CDH18: variants seen among roughly 807,000 people sequenced by gnomAD.
CDH18 encodes the protein cadherin-18.
Under a neutral mutation model 67.9 loss-of-function variants are expected in CDH18, and 31 were observed. The observed-to-expected ratio is 0.46, with a 90% CI of 0.34 to 0.62. The LOEUF is 0.62. Among genes scored for constraint, CDH18 ranks in the 20% least tolerant of loss-of-function variants. CDH18 has a pLI of 0.01. For synonymous variants in CDH18, 362 were observed against 347.2 expected (o/e 1.04, Z -0.48); for missense variants, 890 against 975.5 (o/e 0.91, Z 1.17).
intron 3 of CDH18, among the ~76,000 whole-genome samples, chr5:19,802,484 T>A (rs1460767436): frequency 6.6e-6 from 1 of 152,160 alleles, no homozygotes; most frequent in Non-Finnish European, 1.5e-5. Flanking sequence ...TTATATTTAA[T>A]ATATCTTGAT....
chr5:19,886,894 C>T (rs1319233813), intron 2 of CDH18, among the ~76,000 whole-genome samples: 4 of 152,054 alleles, frequency 2.6e-5, no homozygotes, highest in Non-Finnish European at 4.4e-5. Flanking sequence ...TTGTGTGTGT[C>T]GGATGTATCC....
intron 1 of CDH18, among the ~76,000 whole-genome samples, chr5:20,560,511 A>C (rs375225898): frequency 8.1e-4 from 119 of 146,308 alleles, no homozygotes; most frequent in African/African-American, 2.2e-3. Context: ...ACACACACAC[A>C]CCCCTACATT....
chr5:19,709,696 AAAAAAAAGAAAAGAAAAGAAAAG>A (rs1335271463), intron 5 of CDH18, among the ~76,000 whole-genome samples: 50 of 151,674 alleles, frequency 3.3e-4, no homozygotes, highest in African/African-American at 2.7e-4. Context: ...AAAGAAAAGG[AAAAAAAAGAAAAGAAAAGAAAAG>A]AAAAAAAGAA....
intron 2 of CDH18, among the ~76,000 whole-genome samples, chr5:19,972,378 G>A (rs1270245324): frequency 6.6e-6 from 1 of 151,958 alleles, no homozygotes; most frequent in Non-Finnish European, 1.5e-5. Flanking sequence ...AATTCAGAAA[G>A]CTTTTCAATT....
chr5:19,830,062 T>C (rs1025414410), intron 3 of CDH18, among the ~76,000 whole-genome samples: 1 of 152,154 alleles, frequency 6.6e-6, no homozygotes, highest in Non-Finnish European at 1.5e-5. Flanking sequence ...AGGATTTAAA[T>C]ATAAAATCTA....
chr5:20,215,036 C>T (rs192429009), intron 2 of CDH18, among the ~76,000 whole-genome samples: 96 of 151,930 alleles, frequency 6.3e-4, no homozygotes, highest in South Asian at 1.2e-3. Flanking sequence ...AGGACATGAA[C>T]GGACACTTTT....
At chr5:20,031,417 T>C (rs571194280) in intron 2 of CDH18, among the ~76,000 whole-genome samples, 1 of 152,040 alleles carries the variant, frequency 6.6e-6, no homozygotes, top group Non-Finnish European at 1.5e-5. Flanking sequence ...AAATCTAAAG[T>C]GGCAGGTAAC....
intron 1 of CDH18, among the ~76,000 whole-genome samples, chr5:20,296,322 C>T (rs1011956897): frequency 2.9e-4 from 44 of 151,444 alleles, no homozygotes; most frequent in African/African-American, 8.5e-4. Flanking sequence ...GGCGCCATCT[C>T]GACTCACTGC....
At chr5:20,139,134 C>A (rs1443236882) in intron 2 of CDH18, among the ~76,000 whole-genome samples, 1 of 152,044 alleles carries the variant, frequency 6.6e-6, no homozygotes, top group Non-Finnish European at 1.5e-5. Context: ...ACCAATGGAA[C>A]AGAACAGAGC....
intron 4 of CDH18, among the ~76,000 whole-genome samples, chr5:19,740,192 T>C (rs1561193458): frequency 6.6e-6 from 1 of 152,160 alleles, no homozygotes; most frequent in South Asian, 2.1e-4. Context: ...CTATAACCTG[T>C]TACTACCTGT....
At chr5:19,697,908 A>G (rs970110414) in intron 5 of CDH18, among the ~76,000 whole-genome samples, 8 of 152,142 alleles carry the variant, frequency 5.3e-5, no homozygotes, top group African/African-American at 1.9e-4. Context: ...GGCTTTGTCT[A>G]GGAAGGCAGT....
intron 1 of CDH18, among the ~76,000 whole-genome samples, chr5:20,495,916 A>C (rs964247422): frequency 1.3e-5 from 2 of 152,206 alleles, no homozygotes; most frequent in African/African-American, 4.8e-5. Context: ...GAAGAATGGA[A>C]TACAACTTGA....
rs999721821 is a variant in CDH18 at position 20,327,693 on chromosome 5, TA to T, written c.-579-72189del. The stretch of plus-strand genomic sequence containing the variant: ...AAGTATGCATATTTTCAGATGCTGA[TA>T]AAAAAAATAAAGCTAAGGTATCCCT... On this transcript the variant is annotated intron_variant, in intron 1 of 14. Coordinates refer to the CDH18 transcript ENST00000507958. Among the ~76,000 whole-genome samples the T allele has an allele frequency of 2.6e-5, 4 of 151,828 alleles. No homozygotes were observed. In the East Asian group the frequency reaches 5.8e-4, roughly 22 times the overall value.
chr5:19,645,271 T>A (rs1754576725), intron 5 of CDH18, among the ~76,000 whole-genome samples: 1 of 152,170 alleles, frequency 6.6e-6, no homozygotes, highest in Non-Finnish European at 1.5e-5. Context: ...AAGGTAGTAT[T>A]TATCAGAGAA....
intron 9 of CDH18, among the ~76,000 whole-genome samples, chr5:19,525,836 C>T (rs2126941761): frequency 6.6e-6 from 1 of 152,160 alleles, no homozygotes; most frequent in African/African-American, 2.4e-5. Context: ...AAATGTAAAC[C>T]TATTCATGGG....
At chr5:20,549,499 G>A (rs1299543254) in intron 1 of CDH18, among the ~76,000 whole-genome samples, 1 of 152,066 alleles carries the variant, frequency 6.6e-6, no homozygotes, top group Non-Finnish European at 1.5e-5. Context: ...TACTACAGTA[G>A]GTTATAGAGG....
intron 1 of CDH18, among the ~76,000 whole-genome samples, chr5:20,292,627 A>G (rs1031616538): frequency 6.6e-6 from 1 of 152,164 alleles, no homozygotes; most frequent in East Asian, 1.9e-4. Flanking sequence ...TCAAATTGCC[A>G]GCAGTGCCAT....
At position 19,593,707 on chromosome 5, in the gene CDH18, C is replaced by CCTCCTCCTCCTCCTTCTTCCTCTT; in HGVS notation, c.812-2464_812-2463insAAGAGGAAGAAGGAGGAGGAGGAG. Among the ~76,000 whole-genome samples, 62 of 33,396 alleles carry CCTCCTCCTCCTCCTTCTTCCTCTT rather than the reference C, an allele frequency of 1.9e-3. 3 individuals carry two copies. In the East Asian group the frequency reaches 0.11, roughly 59 times the overall value. The allele number at this position is 33,396 out of a possible 152,430, so 21.9% of individuals were successfully genotyped here. ...TCCTTCTCTTCCTCTTCCTCCTCCT[C>CCTCCTCCTCCTCCTTCTTCCTCTT]CTTCTTCTTCTTCTTCTTCTTCTTC... On this transcript the variant is annotated intron_variant, in intron 6 of 12. Transcript: ENST00000382275.
chr5:20,334,152 T>TTTTTTTTTTA (rs1739469248), intron 1 of CDH18, among the ~76,000 whole-genome samples: 1 of 69,094 alleles, frequency 1.4e-5, no homozygotes, highest in African/African-American at 4.8e-5. Flanking sequence ...TTTTTTTTTT[T>TTTTTTTTTTA]GAGACGGAGT....
Sources: gnomAD v4.1 joint callset for allele counts (sites outside exome capture counted in the v4.1 genomes callset) on GRCh38, gnomAD v4.1.1 for gene constraint, MANE v1.5 for transcripts, NCBI Gene and HGNC (gene_info 2026-07-23, HGNC 2026-07-21) for gene names.